The following CEP170 variants were observed in gnomAD, a reference collection of about 807,000 sequenced individuals.
CEP170 encodes centrosomal protein 170.
In CEP170, 21 loss-of-function variants were observed where a neutral mutation model predicts 151.9. That is an observed-to-expected ratio of 0.14 (90% confidence interval 0.10 to 0.20). The LOEUF is 0.20. Ranked by LOEUF, CEP170 falls within the 10% of genes least tolerant of loss-of-function variation. CEP170 has a pLI of 1.00. For synonymous variants in CEP170, 356 were observed against 648.8 expected (o/e 0.55, Z 6.86); for missense variants, 964 against 1,892.9 (o/e 0.51, Z 9.11).
intron 7 of CEP170, among the ~76,000 whole-genome samples, chr1:243,196,749 G>A (rs1572199501): frequency 6.6e-6 from 1 of 152,046 alleles, no homozygotes; most frequent in East Asian, 1.9e-4. Flanking sequence ...TATATTATGC[G>A]GTACTTGAAT....
intron 13 of CEP170, chr1:243,163,247 C>T (rs1310916816): frequency 3.3e-5 from 5 of 152,270 alleles, no homozygotes; most frequent in Non-Finnish European, 7.3e-5. Context: ...TTCCCCTCCA[C>T]TCTTAACTCA....
At position 243,191,317 on chromosome 1, in the gene CEP170, G is replaced by A; in HGVS notation, c.809C>T (p.Ser270Phe). The change falls in exon 8 of 20, where the codon TCC becomes TTC. Residue 270 changes from serine to phenylalanine, a missense_variant. Ser to Phe is a radical substitution (Grantham distance 155). Transcript: ENST00000366542. ...HEIPTKDTPS[S>F]HITGAGHASF... is the part of the protein sequence containing the mutation. Reference sequence around the variant, plus strand: ...AGCATGCCCTGCACCTGTTATATGGGAACTTGGCGTGTCTTTTGTTGGGAT... The same window carrying A: ...AGCATGCCCTGCACCTGTTATATGGAAACTTGGCGTGTCTTTTGTTGGGAT... 1 of 1,613,298 alleles carries A rather than the reference G, an allele frequency of 6.2e-7. No homozygotes were observed. The highest frequency in any genetic ancestry group is 8.5e-7 in the Non-Finnish European group (1 of 1,179,612).
chr1:243,183,124 T>C (rs1203089991), intron 10 of CEP170, among the ~76,000 whole-genome samples: 1 of 152,062 alleles, frequency 6.6e-6, no homozygotes, highest in East Asian at 1.9e-4. Context: ...TCTATTCCAG[T>C]ACACAGCCAT....
In CEP170 at chr1:243,185,639, T is replaced by G; in HGVS notation, c.1566+140A>C. 1 of 1,178,418 alleles carries G rather than the reference T, an allele frequency of 8.5e-7. No individual in the cohort carries two copies. The highest frequency in any genetic ancestry group is 1.2e-6 in the Non-Finnish European group (1 of 838,582). The allele number at this position is 1,178,418 out of a possible 1,614,324, so 73.0% of individuals were successfully genotyped here. ...AAAGCATGTTGGTCTTACTGTTAAGTCTTGCAGTTCCCTAACAAAACCCTA... is the reference window on the plus strand; with the variant it reads ...AAAGCATGTTGGTCTTACTGTTAAGGCTTGCAGTTCCCTAACAAAACCCTA... On this transcript the variant is annotated intron_variant, in intron 10 of 19. Coordinates refer to ENST00000366542, the MANE Select transcript of CEP170 (RefSeq NM_014812.3). The surrounding 1 kb of genome is among the most constrained non-coding windows in gnomAD (Gnocchi z 4.9).
chr1:243,169,050 A>G (rs1185627939), intron 12 of CEP170, among the ~76,000 whole-genome samples: 1 of 151,316 alleles, frequency 6.6e-6, no homozygotes, highest in East Asian at 1.9e-4. Flanking sequence ...ACACACACCT[A>G]TATATGCTTC....
intron 1 of CEP170, chr1:243,252,960 G>T (rs1001260364): frequency 1.2e-4 from 18 of 152,108 alleles, no homozygotes; most frequent in African/African-American, 4.3e-4. Context: ...ACTCATTAAT[G>T]ATTACAACTC....
chr1:243,167,367 G>A (rs1451976806), intron 12 of CEP170, among the ~76,000 whole-genome samples: 2 of 150,548 alleles, frequency 1.3e-5, no homozygotes, highest in Non-Finnish European at 3.0e-5. Context: ...ATAAATTGAG[G>A]AATTTTTAAA....
At chr1:243,205,485 C>T (rs550730870) in intron 4 of CEP170, among the ~76,000 whole-genome samples, 64 of 152,260 alleles carry the variant, frequency 4.2e-4, no homozygotes, top group Non-Finnish European at 7.6e-4. Flanking sequence ...TTGGGCATAG[C>T]GATGTTCCAA....
chr1:243,200,903 G>C, intron 4 of CEP170, 68 bp from the exon 5 acceptor site: 1 of 1,539,194 alleles, frequency 6.5e-7, no homozygotes, highest in Non-Finnish European at 8.8e-7. Flanking sequence ...GTCATCAAAT[G>C]TAATTTAGAA....
At chr1:243,178,441 T>C (rs1187532572) in intron 10 of CEP170, among the ~76,000 whole-genome samples, 2 of 151,242 alleles carry the variant, frequency 1.3e-5, no homozygotes, top group Non-Finnish European at 2.9e-5. Flanking sequence ...ATTCCATTTA[T>C]ACAAAATGTC....
chr1:243,193,272 A>T (rs2060427825), intron 7 of CEP170, among the ~76,000 whole-genome samples: 1 of 151,330 alleles, frequency 6.6e-6, no homozygotes, highest in South Asian at 2.1e-4. Context: ...TCAGACATTG[A>T]TTTTTTTTTA....
intron 3 of CEP170, among the ~76,000 whole-genome samples, chr1:243,214,431 A>G (rs1417671997): frequency 2.0e-5 from 3 of 151,486 alleles, no homozygotes; most frequent in African/African-American, 4.8e-5. Context: ...GATTACAGGC[A>G]CCTGCCGCCA....
chr1:243,173,648 A>C (rs2059017875), intron 10 of CEP170, among the ~76,000 whole-genome samples: 1 of 151,632 alleles, frequency 6.6e-6, no homozygotes, highest in Admixed American at 6.6e-5. Context: ...AGGCAAGAAA[A>C]TAGCTTGAAC....
Position 243,125,884 on chromosome 1 carries a change from T to A in CEP170, c.*565A>T. Reference sequence around the variant, plus strand: ...TTACGTATCAACAAAGTTATATAAATCACATCTATGTTGGAAAATTTTAGG... The same window carrying A: ...TTACGTATCAACAAAGTTATATAAAACACATCTATGTTGGAAAATTTTAGG... On this transcript the variant is annotated 3_prime_UTR_variant, in exon 20 of 20. Transcript: ENST00000366542. 3.3e-6 allele frequency: 1 copy of A among 299,740 alleles called. No homozygotes were observed. The allele number at this position is 299,740 out of a possible 1,614,324, so 18.6% of individuals were successfully genotyped here.
At chr1:243,221,356 T>TAA (rs2062805466) in intron 3 of CEP170, among the ~76,000 whole-genome samples, 1 of 152,336 alleles carries the variant, frequency 6.6e-6, no homozygotes, top group East Asian at 1.9e-4. Flanking sequence ...ACTTAACCAT[T>TAA]ACTTCTCTGT....
At chr1:243,241,960 G>A (rs971550601) in intron 1 of CEP170, among the ~76,000 whole-genome samples, 13 of 152,050 alleles carry the variant, frequency 8.5e-5, no homozygotes, top group African/African-American at 2.9e-4. Flanking sequence ...AAAGCACAAT[G>A]TACTGATTTA....
intron 1 of CEP170, among the ~76,000 whole-genome samples, chr1:243,242,749 G>A (rs181261587): frequency 9.1e-4 from 138 of 152,124 alleles, no homozygotes; most frequent in Non-Finnish European, 1.1e-3. Context: ...CACCCAGGCT[G>A]GAGTGCAGTG....
intron 1 of CEP170, among the ~76,000 whole-genome samples, chr1:243,245,945 CAA>C (rs576070175): frequency 7.9e-6 from 1 of 126,204 alleles, no homozygotes; most frequent in African/African-American, 2.9e-5. Flanking sequence ...GACCTCGTCT[CAA>C]AAAAAAAAAG....
chr1:243,250,004 G>A (rs2065790665), intron 1 of CEP170, among the ~76,000 whole-genome samples: 1 of 152,202 alleles, frequency 6.6e-6, no homozygotes, highest in South Asian at 2.1e-4. Flanking sequence ...CCAGGAGGCA[G>A]ACGTTGTAGT....
Sources: gnomAD v4.1 joint callset for allele counts (sites outside exome capture counted in the v4.1 genomes callset) on GRCh38, gnomAD v4.1.1 for gene constraint, Gnocchi (gnomAD v3.1) non-coding constraint, MANE v1.5 for transcripts, NCBI Gene and HGNC (gene_info 2026-07-23, HGNC 2026-07-21) for gene names.